ZNF678: variants seen among roughly 807,000 people sequenced by gnomAD.
The protein encoded by ZNF678 is zinc finger protein 678.
ZNF678 carries 5 observed loss-of-function variants against 3.0 expected under a neutral mutation model. The observed-to-expected ratio is 1.69, with a 90% CI of 0.88 to 3.56. The LOEUF is 3.56. ZNF678 is among the 30% of genes most tolerant of loss of function. ZNF678 has a pLI of 0.00. For synonymous variants in ZNF678, 218 were observed against 199.6 expected (o/e 1.09, Z -0.78); for missense variants, 593 against 605.0 (o/e 0.98, Z 0.21).
intron 1 of ZNF678, among the ~76,000 whole-genome samples, chr1:227,567,678 CTTAA>C (rs915476109): frequency 3.4e-4 from 52 of 151,494 alleles, no homozygotes; most frequent in South Asian, 1.7e-3. Flanking sequence ...TAAAAAGTTA[CTTAA>C]TTCTTTTTTT....
At chr1:227,619,564 T>G (rs755235089) in intron 1 of ZNF678, among the ~76,000 whole-genome samples, 6 of 151,734 alleles carry the variant, frequency 4.0e-5, no homozygotes, top group Non-Finnish European at 7.4e-5. Flanking sequence ...CAGGCTGGAG[T>G]GCAGTGGCAT....
intron 5 of ZNF678, among the ~76,000 whole-genome samples, chr1:227,676,076 T>C (rs1366058915): frequency 6.6e-6 from 1 of 152,200 alleles, no homozygotes; most frequent in African/African-American, 2.4e-5. Flanking sequence ...AGTTGGTGCT[T>C]GGGACATTTA....
intron 1 of ZNF678, among the ~76,000 whole-genome samples, chr1:227,636,309 G>A (rs534651532): frequency 6.6e-6 from 1 of 152,256 alleles, no homozygotes; most frequent in East Asian, 1.9e-4. Flanking sequence ...CCGTTTTTCT[G>A]TTATCATCTA....
At chr1:227,632,184 C>T (rs1382743630) in intron 1 of ZNF678, among the ~76,000 whole-genome samples, 1 of 152,130 alleles carries the variant, frequency 6.6e-6, no homozygotes, top group Non-Finnish European at 1.5e-5. Flanking sequence ...GGGAGGGACA[C>T]CAGGGGAAAG....
chr1:227,644,947 C>T (rs1476738147), intron 1 of ZNF678, among the ~76,000 whole-genome samples: 1 of 152,160 alleles, frequency 6.6e-6, no homozygotes, highest in Non-Finnish European at 1.5e-5. Context: ...TGAGTTCAGC[C>T]TTTGTTCCAG....
intron 1 of ZNF678, among the ~76,000 whole-genome samples, chr1:227,625,362 G>T (rs934216679): frequency 6.6e-6 from 1 of 152,076 alleles, no homozygotes; most frequent in African/African-American, 2.4e-5. Flanking sequence ...ATTGGGGCCT[G>T]GTAGGGGTTG....
At chr1:227,598,331 C>T (rs758714598) in intron 1 of ZNF678, 4 of 1,247,126 alleles carry the variant, frequency 3.2e-6, no homozygotes, top group Non-Finnish European at 3.1e-6. Flanking sequence ...CAAGAAAATT[C>T]GTGGATTTTA....
chr1:227,574,699 ATTGC>A (rs1656944281), intron 1 of ZNF678, among the ~76,000 whole-genome samples: 1 of 152,018 alleles, frequency 6.6e-6, no homozygotes, highest in Non-Finnish European at 1.5e-5. Flanking sequence ...TTTTGTTGAA[ATTGC>A]TTTTGGCGCC....
Position 227,661,193 on chromosome 1 carries a change from G to A in ZNF678, c.*5365G>A, listed in dbSNP as rs1558161592. 1 of 152,122 alleles carries A rather than the reference G, an allele frequency of 6.6e-6. No individual in the cohort carries two copies. The highest frequency in any genetic ancestry group is 1.5e-5 in the Non-Finnish European group (1 of 68,022). 9.4% of individuals were successfully genotyped at this position (152,122 alleles called of 1,614,324 possible). Reference sequence around the variant, plus strand: ...GGAAATGTGACTATTCAGATTAAATGCTTAATGTGTGTGTGTTGACTAAAT... The same window carrying A: ...GGAAATGTGACTATTCAGATTAAATACTTAATGTGTGTGTGTTGACTAAAT... On this transcript the variant is annotated 3_prime_UTR_variant, in exon 4 of 4. Coordinates refer to ENST00000343776, the MANE Select transcript of ZNF678 (RefSeq NM_001367909.1).
intron 1 of ZNF678, among the ~76,000 whole-genome samples, chr1:227,607,803 T>C (rs1227873501): frequency 6.8e-6 from 1 of 147,032 alleles, no homozygotes; most frequent in African/African-American, 2.5e-5. Context: ...TGCTATATTA[T>C]TTAGTTATAT....
chr1:227,619,514 A>T (rs1032991052), intron 1 of ZNF678, among the ~76,000 whole-genome samples: 6 of 149,146 alleles, frequency 4.0e-5, no homozygotes, highest in African/African-American at 1.5e-4. Flanking sequence ...TGAGGTTGCA[A>T]TTTTTTTTTT....
At chr1:227,628,523 C>T (rs1201235368) in intron 1 of ZNF678, among the ~76,000 whole-genome samples, 3 of 152,210 alleles carry the variant, frequency 2.0e-5, no homozygotes, top group Admixed American at 2.0e-4. Flanking sequence ...TGCCAAGGAA[C>T]CCTCTTAATT....
At chr1:227,632,240 T>C (rs1658564934) in intron 1 of ZNF678, among the ~76,000 whole-genome samples, 1 of 151,612 alleles carries the variant, frequency 6.6e-6, no homozygotes, top group South Asian at 2.1e-4. Flanking sequence ...AGTGTAGAGC[T>C]TCCTTAGATC....
chr1:227,651,278 C>T (rs1163325707), intron 3 of ZNF678, among the ~76,000 whole-genome samples: 1 of 152,114 alleles, frequency 6.6e-6, no homozygotes, highest in Non-Finnish European at 1.5e-5. Context: ...GCACTTTGAT[C>T]TATAGGGCAG....
Position 227,661,418 on chromosome 1 carries a change from T to G in ZNF678, c.*5590T>G, listed in dbSNP as rs1190965896. 6.6e-6 allele frequency: 1 copy of G among 152,138 alleles called. No individual in the cohort carries two copies. The highest frequency in any genetic ancestry group is 2.4e-5 in the African/African-American group (1 of 41,434). 9.4% of individuals were successfully genotyped at this position (152,138 alleles called of 1,614,324 possible). On this transcript the variant is annotated 3_prime_UTR_variant, in exon 4 of 4. Transcript: ENST00000343776. ...TTACAAATGCAAAAATGGACTTGTTTTTGATATGCTTTTCCCAACAATAAG... is the reference window on the plus strand; with the variant it reads ...TTACAAATGCAAAAATGGACTTGTTGTTGATATGCTTTTCCCAACAATAAG...
At chr1:227,594,962 G>A (rs376312361) in intron 1 of ZNF678, among the ~76,000 whole-genome samples, 155 of 152,164 alleles carry the variant, frequency 1.0e-3, no homozygotes, top group African/African-American at 3.6e-3. Flanking sequence ...GCTACAGATC[G>A]AATGCATTTG....
At chr1:227,635,140 G>A (rs934583055) in intron 1 of ZNF678, among the ~76,000 whole-genome samples, 5 of 151,794 alleles carry the variant, frequency 3.3e-5, no homozygotes, top group African/African-American at 1.2e-4. Context: ...AAGAGATTAT[G>A]CTTTTCTCCC....
intron 1 of ZNF678, among the ~76,000 whole-genome samples, chr1:227,625,097 A>G (rs982563942): frequency 7.2e-5 from 11 of 152,166 alleles, no homozygotes; most frequent in Admixed American, 5.9e-4. Flanking sequence ...ATGATTGACT[A>G]TTTCTTTATC....
At chr1:227,594,847 C>A (rs529925083) in intron 1 of ZNF678, among the ~76,000 whole-genome samples, 41 of 152,306 alleles carry the variant, frequency 2.7e-4, no homozygotes, top group African/African-American at 7.2e-4. Flanking sequence ...TTCCGCCCCC[C>A]CCTTTTTTCC....
Sources: allele counts gnomAD v4.1 joint callset (sites outside exome capture counted in the v4.1 genomes callset), GRCh38; gene constraint gnomAD v4.1.1; transcripts MANE v1.5; gene names NCBI Gene and HGNC (gene_info 2026-07-23, HGNC 2026-07-21).